FRMPD2: variants seen among roughly 807,000 people sequenced by gnomAD.
FRMPD2 encodes FERM and PDZ domain containing 2, also known as FERM and PDZ domain-containing protein 2.
FRMPD2 carries 96 observed loss-of-function variants against 140.1 expected under a neutral mutation model. That is an observed-to-expected ratio of 0.69 (90% CI 0.58 to 0.81). FRMPD2 has a LOEUF of 0.81. Among genes scored for constraint, FRMPD2 ranks in the 40% least tolerant of loss-of-function variants. The probability of loss-of-function intolerance (pLI) is 0.00; values close to 1 mark genes in which losing one functional copy is unlikely to be tolerated. For synonymous variants in FRMPD2, 449 were observed against 547.6 expected (o/e 0.82, Z 2.52); for missense variants, 1,240 against 1,447.4 (o/e 0.86, Z 2.32).
intron 3 of FRMPD2, chr10:48,248,737 C>T: frequency 4.5e-6 from 1 of 221,186 alleles, no homozygotes; most frequent in Non-Finnish European, 8.8e-6. Context: ...CACAGCTTTT[C>T]AACACTTCTT....
rs1840203704 is a variant in FRMPD2 at position 48,244,710 on chromosome 10, C to T, written c.375+74G>A. 9.7e-6 allele frequency: 11 copies of T among 1,139,676 alleles called. No individual in the cohort carries two copies. The South Asian group carries it at 1.2e-4, about 13-fold the overall frequency. The allele number at this position is 1,139,676 out of a possible 1,614,324, so 70.6% of individuals were successfully genotyped here. On this transcript the variant is annotated intron_variant, in intron 4 of 28. Transcript: ENST00000374201. ...TTATGTGTGCTCAGTAAATGTGGTC[C>T]CTGCCCAGGAGAAAACCACTAAATA... is the stretch of plus-strand genomic sequence containing the variant.
chr10:48,250,080 A>G (rs1420475785), intron 2 of FRMPD2, among the ~76,000 whole-genome samples: 2 of 152,122 alleles, frequency 1.3e-5, no homozygotes, highest in Non-Finnish European at 2.9e-5. Flanking sequence ...TCTCAAATCT[A>G]CACAGGACTC....
chr10:48,250,641 C>T (rs1490566876), intron 2 of FRMPD2, among the ~76,000 whole-genome samples: 3 of 152,096 alleles, frequency 2.0e-5, no homozygotes, highest in Non-Finnish European at 4.4e-5. Flanking sequence ...CTCTTGACCT[C>T]AGGTGATCCA....
chr10:48,212,129 G>C lies in FRMPD2; in HGVS notation c.1456-20C>G, dbSNP rs762967392. Reference sequence around the variant, plus strand: ...CACCTGCTGGAAGTAAGATGTAGAAGGGAAGGGCACAATCCAGACACTGGC... The same window carrying C: ...CACCTGCTGGAAGTAAGATGTAGAACGGAAGGGCACAATCCAGACACTGGC... On this transcript the variant is annotated intron_variant, in intron 12 of 28. Coordinates refer to ENST00000374201, the MANE Select transcript of FRMPD2 (RefSeq NM_001018071.4). 1 of 1,613,226 alleles carries C rather than the reference G, an allele frequency of 6.2e-7. No individual in the cohort carries two copies. Among genetic ancestry groups the C allele is most frequent in the Non-Finnish European group, 8.5e-7 (1 of 1,179,370 alleles).
Position 48,185,652 on chromosome 10 carries a change from G to A in FRMPD2, c.2267-7C>T. On this transcript the variant is annotated splice_region_variant and splice_polypyrimidine_tract_variant and intron_variant, in intron 17 of 28. Transcript: ENST00000374201. Reference sequence around the variant, plus strand: ...CTCCTATTATTCTTTGAGCCTAGAGGTAGAATCAGAGCACCACATTGTGCT... The same window carrying A: ...CTCCTATTATTCTTTGAGCCTAGAGATAGAATCAGAGCACCACATTGTGCT... The A allele has an allele frequency of 1.2e-6, 2 of 1,608,704 alleles. No homozygotes were observed. The highest frequency in any genetic ancestry group is 1.7e-6 in the Non-Finnish European group (2 of 1,175,058).
chr10:48,240,475 CACA>C lies in FRMPD2; in HGVS notation c.582_584del (p.Val195del). ...TCTGCTGCACAGAGGAGCTTTCCTC[CACA>C]ACTCTTTTCTCCACCTGGGGGTCAA... On this transcript the variant is annotated inframe_deletion, in exon 6 of 29. Transcript: ENST00000374201. 3 of 1,613,844 alleles carry C rather than the reference CACA, an allele frequency of 1.9e-6. No individual in the cohort carries two copies. The highest frequency in any genetic ancestry group is 2.5e-6 in the Non-Finnish European group (3 of 1,180,022).
At position 48,244,852 on chromosome 10, in the gene FRMPD2, G is replaced by C. The variant is rs765753745; in HGVS notation, c.310-3C>G. ...ATTCCTAAAGAATAGACATGCATCTGCCCAAAAGAAGAGTACATGATTAGA... is the reference window on the plus strand; with the variant it reads ...ATTCCTAAAGAATAGACATGCATCTCCCCAAAAGAAGAGTACATGATTAGA... On this transcript the variant is annotated splice_region_variant and splice_polypyrimidine_tract_variant and intron_variant, in intron 3 of 28. Transcript: ENST00000374201. The C allele has an allele frequency of 1.8e-5, 29 of 1,604,346 alleles. 1 individual carries two copies. Among genetic ancestry groups the C allele is most frequent in the Non-Finnish European group, 2.5e-5 (29 of 1,171,316 alleles).
chr10:48,186,388 T>TA (rs1328638323), intron 17 of FRMPD2, among the ~76,000 whole-genome samples: 1 of 152,224 alleles, frequency 6.6e-6, no homozygotes, highest in Non-Finnish European at 1.5e-5. Context: ...CACCCAAATC[T>TA]CAACTTGAAT....
intron 13 of FRMPD2, among the ~76,000 whole-genome samples, chr10:48,210,175 A>G (rs187626486): frequency 4.6e-5 from 7 of 152,270 alleles, no homozygotes; most frequent in Non-Finnish European, 8.8e-5. Context: ...GAGGCTCCCA[A>G]TGTGCTCTGG....
chr10:48,235,482 T>G (rs1441562295), intron 9 of FRMPD2, among the ~76,000 whole-genome samples: 4 of 152,140 alleles, frequency 2.6e-5, no homozygotes, highest in African/African-American at 9.7e-5. Flanking sequence ...GGGGGGTGCA[T>G]GGAAGCTGGG....
rs186466325 is a variant in FRMPD2 at position 48,233,929 on chromosome 10, A to G, written c.994-1640T>C. ...GCACCCAAGGCATGTCAGAGCAACC[A>G]TGACAGTGGCTGTCCCCACCCTGGG... is the stretch of plus-strand genomic sequence containing the variant. On this transcript the variant is annotated intron_variant, in intron 9 of 28. Transcript: ENST00000374201. Among the ~76,000 whole-genome samples, 744 of 152,258 alleles carry G rather than the reference A, an allele frequency of 4.9e-3. 7 individuals carry two copies. Among genetic ancestry groups the G allele is most frequent in the African/African-American group, 0.016 (664 of 41,550 alleles).
In FRMPD2 at chr10:48,238,088, G is replaced by C. The variant is rs111596155; in HGVS notation, c.824C>G (p.Ala275Gly). 39 of 1,613,200 alleles carry C rather than the reference G, an allele frequency of 2.4e-5. No homozygotes were observed. In the African/African-American group the frequency reaches 5.2e-4, roughly 21 times the overall value. Residue 275 changes from alanine (A) to glycine (G), a missense_variant, in exon 8 of 29, where the codon GCG becomes GGG. By Grantham distance (60) the Ala-to-Gly change is moderately conservative. Transcript: ENST00000374201. ...AGATCCAGAGCTGAGCCTCCGGCCC[G>C]CCTGCTGGTCCTGGGGATCTGCTCC... ...LPGADPQDQQ[A>G]GRRLSSGSVH... is the part of the protein sequence containing the mutation.
At chr10:48,229,353 T>G (rs1036016258) in intron 10 of FRMPD2, among the ~76,000 whole-genome samples, 2 of 152,180 alleles carry the variant, frequency 1.3e-5, no homozygotes, top group African/African-American at 4.8e-5. Context: ...TGACCAGTGA[T>G]TCTACTTTGA....
intron 4 of FRMPD2, among the ~76,000 whole-genome samples, chr10:48,243,782 C>T (rs966262862): frequency 1.3e-5 from 2 of 151,798 alleles, no homozygotes; most frequent in South Asian, 2.1e-4. Context: ...TGGAGAGGGT[C>T]GGGGTGAGTA....
chr10:48,167,802 C>A lies in FRMPD2; in HGVS notation c.3537+793G>T, dbSNP rs1415020431. Among the ~76,000 whole-genome samples, 3 of 152,258 alleles carry A rather than the reference C, an allele frequency of 2.0e-5. No individual in the cohort carries two copies. In the East Asian group the frequency reaches 5.8e-4, roughly 29 times the overall value. ...GTGATTTGACATTTAAATCAGCAAACTTTGAGTAAAACAGATTGTCTTCCA... is the reference window on the plus strand; with the variant it reads ...GTGATTTGACATTTAAATCAGCAAAATTTGAGTAAAACAGATTGTCTTCCA... On this transcript the variant is annotated intron_variant, in intron 27 of 28. Transcript: ENST00000374201.
intron 7 of FRMPD2, among the ~76,000 whole-genome samples, chr10:48,238,813 C>T (rs1019320766): frequency 1.3e-5 from 2 of 152,264 alleles, no homozygotes; most frequent in African/African-American, 2.4e-5. Context: ...TCTCCCTGAT[C>T]TGCACCCTTT....
chr10:48,227,681 T>C (rs1028147902), intron 10 of FRMPD2, among the ~76,000 whole-genome samples: 1 of 152,260 alleles, frequency 6.6e-6, no homozygotes, highest in African/African-American at 2.4e-5. Context: ...GACTTTTGTA[T>C]CTAAAAGTAT....
intron 1 of FRMPD2, among the ~76,000 whole-genome samples, chr10:48,269,054 A>G (rs1840725769): frequency 6.6e-6 from 1 of 152,248 alleles, no homozygotes; most frequent in African/African-American, 2.4e-5. Context: ...TCAATTAGAA[A>G]AAAACAACTC....
chr10:48,272,386 A>G (rs1443492664), intron 1 of FRMPD2, among the ~76,000 whole-genome samples: 1 of 152,256 alleles, frequency 6.6e-6, no homozygotes, highest in African/African-American at 2.4e-5. Flanking sequence ...ACCAAAAAGT[A>G]TTATAAAAAT....
Sources: allele counts gnomAD v4.1 joint callset (sites outside exome capture counted in the v4.1 genomes callset), GRCh38; gene constraint gnomAD v4.1.1; transcripts MANE v1.5; gene names NCBI Gene and HGNC (gene_info 2026-07-23, HGNC 2026-07-21).